Variants in ZNF341 observed in about 807,000 individuals in gnomAD.
The protein encoded by ZNF341 is zinc finger protein 341.
A neutral mutation model predicts 87.7 loss-of-function variants in ZNF341; 52 were observed. The observed-to-expected ratio is 0.59, with a 90% CI of 0.47 to 0.75. The LOEUF is 0.75. Among genes scored for constraint, ZNF341 ranks in the 30% least tolerant of loss-of-function variants. The pLI, the probability that ZNF341 is intolerant of heterozygous loss-of-function variation, is 0.00. For synonymous variants in ZNF341, 459 were observed against 472.7 expected (o/e 0.97, Z 0.38); for missense variants, 977 against 1,145.9 (o/e 0.85, Z 2.13).
In ZNF341 at chr20:33,791,458, G is replaced by A. The variant is rs768115178; in HGVS notation, c.2506G>A (p.Gly836Arg). ...CCTGGCTCTGGCGGAGCTGCAGGCT[G>A]GGGCCGAGGGCCCATGTGCCATGCT... ...SNLALAELQA[G>R]AEGPCAMLAV... Residue 836 changes from glycine (G) to arginine (R), a missense_variant, in exon 15 of 15, where the codon GGG becomes AGG. Physicochemically the swap from Gly to Arg is moderately radical, Grantham distance 125 (BLOSUM62 -2). Coordinates refer to ENST00000375200, the MANE Select transcript of ZNF341 (RefSeq NM_001282933.2). The A allele has an allele frequency of 1.3e-4, 212 of 1,602,142 alleles. No individual in the cohort carries two copies. The highest frequency in any genetic ancestry group is 5.0e-4 in the Admixed American group (30 of 59,692).
chr20:33,773,644 A>G (rs1235942042), intron 10 of ZNF341, among the ~76,000 whole-genome samples: 1 of 152,242 alleles, frequency 6.6e-6, no homozygotes, highest in African/African-American at 2.4e-5. Flanking sequence ...GACAAGGCTG[A>G]GGCTCTTAGA....
At position 33,781,957 on chromosome 20, in the gene ZNF341, C is replaced by G. The variant is rs538787649; in HGVS notation, c.1719+570C>G. Reference sequence around the variant, plus strand: ...GACCTCCCAAAGTGCTGGGATTACACGCATGAGCCACTGCACCCAGCCTAA... The same window carrying G: ...GACCTCCCAAAGTGCTGGGATTACAGGCATGAGCCACTGCACCCAGCCTAA... On this transcript the variant is annotated intron_variant, in intron 11 of 14. Coordinates refer to ENST00000375200, the MANE Select transcript of ZNF341 (RefSeq NM_001282933.2). Among the ~76,000 whole-genome samples the G allele has an allele frequency of 4.6e-5, 7 of 151,944 alleles. No homozygotes were observed. The East Asian group carries it at 1.2e-3, about 25-fold the overall frequency.
intron 10 of ZNF341, among the ~76,000 whole-genome samples, chr20:33,774,368 A>G (rs2019590672): frequency 6.6e-6 from 1 of 152,226 alleles, no homozygotes; most frequent in African/African-American, 2.4e-5. Flanking sequence ...TGTTCAATGC[A>G]GAGAAAACAA....
rs143837939 is a variant in ZNF341, at chr20:33,791,021, A to G, written c.2069A>G (p.Lys690Arg). Reference sequence around the variant, plus strand: ...CTCCACAAATGCGCCCTGTGCAGCAAGTCCTTCAGCCGCCGTGCCCACCTC... The same window carrying G: ...CTCCACAAATGCGCCCTGTGCAGCAGGTCCTTCAGCCGCCGTGCCCACCTC... ...MKLHKCALCS[K>R]SFSRRAHLAE... is the part of the protein sequence containing the mutation. Residue 690 changes from lysine to arginine, a missense_variant, in exon 15 of 15, where the codon AAG becomes AGG. By Grantham distance (26) the Lys-to-Arg change is conservative (BLOSUM62 2). Coordinates refer to ENST00000375200, the MANE Select transcript of ZNF341 (RefSeq NM_001282933.2). The G allele has an allele frequency of 5.4e-5, 87 of 1,613,184 alleles. No homozygotes were observed. The African/African-American group carries it at 1.0e-3, about 19-fold the overall frequency.
intron 11 of ZNF341, 39 bp from the exon 12 acceptor site, chr20:33,783,693 C>G: frequency 1.9e-6 from 3 of 1,612,908 alleles, no homozygotes; most frequent in Non-Finnish European, 2.5e-6. Flanking sequence ...GGGAGGGGGG[C>G]CCGGTGAGTC....
chr20:33,790,370 G>A (rs146748418), intron 14 of ZNF341, among the ~76,000 whole-genome samples: 111 of 152,208 alleles, frequency 7.3e-4, no homozygotes, highest in Admixed American at 2.5e-3. Flanking sequence ...ACCGGCGCCT[G>A]GCCTGTAATC....
At chr20:33,745,051 A>G in intron 2 of ZNF341, 52 bp from the exon 3 acceptor site, 1 of 1,533,344 alleles carries the variant, frequency 6.5e-7, no homozygotes, top group South Asian at 1.2e-5. Context: ...TTTTTTCATT[A>G]CTTTACCTTC....
At chr20:33,739,063 C>T (rs537053966) in intron 1 of ZNF341, among the ~76,000 whole-genome samples, 5 of 152,152 alleles carry the variant, frequency 3.3e-5, no homozygotes, top group Non-Finnish European at 7.4e-5. Context: ...CTCCACCTCC[C>T]GGGTTCAAGC....
intron 4 of ZNF341, 57 bp from the exon 5 acceptor site, chr20:33,753,115 G>A: frequency 6.2e-7 from 1 of 1,608,540 alleles, no homozygotes; most frequent in Admixed American, 1.7e-5. Context: ...CTTCCTTCCT[G>A]ATAAATAAGA....
chr20:33,741,683 G>C (rs1241989578), intron 2 of ZNF341, among the ~76,000 whole-genome samples: 1 of 152,158 alleles, frequency 6.6e-6, no homozygotes, highest in Non-Finnish European at 1.5e-5. Flanking sequence ...GGGATTACCT[G>C]CATGAGCCAC....
intron 9 of ZNF341, 34 bp downstream of exon 9, chr20:33,767,075 C>T (rs2122698577): frequency 6.3e-7 from 1 of 1,588,876 alleles, no homozygotes; most frequent in Non-Finnish European, 8.6e-7. Context: ...GCCCACACCA[C>T]ACCAGTCGAA....
At chr20:33,776,473 C>T (rs765642987) in intron 10 of ZNF341, among the ~76,000 whole-genome samples, 1 of 151,812 alleles carries the variant, frequency 6.6e-6, no homozygotes, top group African/African-American at 2.4e-5. Flanking sequence ...CTGCAGCCTT[C>T]GCCTCCGGGG....
At chr20:33,745,073 C>T (rs1390508645) in intron 2 of ZNF341, 30 bp from the exon 3 acceptor site, 1 of 1,587,790 alleles carries the variant, frequency 6.3e-7, no homozygotes, top group Non-Finnish European at 8.6e-7. Context: ...TCTGTGGCCT[C>T]TTCCCACTAC....
intron 2 of ZNF341, 46 bp downstream of exon 2, chr20:33,741,058 C>T (rs373852776): frequency 1.6e-5 from 25 of 1,541,312 alleles, no homozygotes; most frequent in South Asian, 3.3e-5. Flanking sequence ...AATGGCTCCC[C>T]GCGAAGAGTA....
chr20:33,777,277 C>T (rs1360952422), intron 10 of ZNF341, among the ~76,000 whole-genome samples: 3 of 139,076 alleles, frequency 2.2e-5, no homozygotes, highest in Non-Finnish European at 4.6e-5. Flanking sequence ...GAGCTGAGAT[C>T]GCACCACTGC....
At chr20:33,752,728 C>A (rs538249489) in intron 4 of ZNF341, among the ~76,000 whole-genome samples, 1 of 149,806 alleles carries the variant, frequency 6.7e-6, no homozygotes, top group Non-Finnish European at 1.5e-5. Context: ...TCTCCACTCA[C>A]TGCCAGCTCC....
At position 33,732,242 on chromosome 20, in the gene ZNF341, G is replaced by C. The variant is rs1324043104; in HGVS notation, c.31+190G>C. Among the ~76,000 whole-genome samples, 2 of 150,118 alleles carry C rather than the reference G, an allele frequency of 1.3e-5. No individual in the cohort carries two copies. Among genetic ancestry groups the C allele is most frequent in the Admixed American group, 1.3e-4 (2 of 15,108 alleles). ...CCGAGGCCCGGCGGGGGAGCTCCGG[G>C]GCCGGAACAGCCGGGGAGAGCCAGG... On this transcript the variant is annotated intron_variant, in intron 1 of 14. Coordinates refer to ENST00000375200, the MANE Select transcript of ZNF341 (RefSeq NM_001282933.2). This position sits in a 1 kb window ranked among gnomAD's most constrained non-coding sequence, Gnocchi z 4.5.
intron 1 of ZNF341, among the ~76,000 whole-genome samples, chr20:33,736,214 G>A (rs2018682003): frequency 2.0e-5 from 3 of 148,970 alleles, no homozygotes; most frequent in African/African-American, 5.0e-5. Flanking sequence ...ACTACCTTCT[G>A]GCCCTCCTCC....
chr20:33,760,840 G>T (rs146298486), intron 7 of ZNF341, among the ~76,000 whole-genome samples: 160 of 151,948 alleles, frequency 1.1e-3, no homozygotes, highest in African/African-American at 3.7e-3. Context: ...CACCATGCTG[G>T]GCTTGAATTT....
Sources: gnomAD v4.1 joint callset for allele counts (sites outside exome capture counted in the v4.1 genomes callset) on GRCh38, gnomAD v4.1.1 for gene constraint, Gnocchi (gnomAD v3.1) non-coding constraint, MANE v1.5 for transcripts, NCBI Gene and HGNC (gene_info 2026-07-23, HGNC 2026-07-21) for gene names.